The following NUP153 variants were observed in gnomAD, a reference collection of about 807,000 sequenced individuals.
NUP153 encodes nuclear pore complex protein Nup153.
Under a neutral mutation model 134.6 loss-of-function variants are expected in NUP153, and 27 were observed. The ratio of observed to expected loss-of-function variants is 0.20; its 90% CI spans 0.15 to 0.28. The LOEUF (loss-of-function observed/expected upper bound fraction) is 0.28. Ranked by LOEUF, NUP153 falls within the 10% of genes least tolerant of loss-of-function variation. The pLI, the probability that NUP153 is intolerant of heterozygous loss-of-function variation, is 1.00. For missense variants in NUP153, 1,821 were observed against 1,731.3 expected (o/e 1.05, Z -0.92); for synonymous variants, 640 against 623.5 (o/e 1.03, Z -0.40).
intron 11 of NUP153, among the ~76,000 whole-genome samples, chr6:17,656,561 C>T (rs1211631909): frequency 6.6e-6 from 1 of 151,974 alleles, no homozygotes; most frequent in Non-Finnish European, 1.5e-5. Context: ...TTTTTTTGTA[C>T]ACGTGGGGTT....
chr6:17,702,969 G>A (rs1442304499), intron 1 of NUP153, among the ~76,000 whole-genome samples: 2 of 152,088 alleles, frequency 1.3e-5, no homozygotes, highest in Admixed American at 6.5e-5. Context: ...GGGAGGCTGT[G>A]GCGGGTGGAT....
At chr6:17,650,929 A>C (rs1200531893) in intron 11 of NUP153, among the ~76,000 whole-genome samples, 1 of 152,172 alleles carries the variant, frequency 6.6e-6, no homozygotes, top group Non-Finnish European at 1.5e-5. Flanking sequence ...GTGGTATGAA[A>C]GTAACATAAA....
chr6:17,649,064 C>T (rs2113799355), intron 12 of NUP153, 99 bp downstream of exon 12: 1 of 1,104,892 alleles, frequency 9.1e-7, no homozygotes, highest in Non-Finnish European at 1.3e-6. Flanking sequence ...TATTAATTTC[C>T]ATAATGAAAA....
At chr6:17,646,929 T>TTG (rs1186397627) in intron 13 of NUP153, among the ~76,000 whole-genome samples, 1 of 149,964 alleles carries the variant, frequency 6.7e-6, no homozygotes, top group East Asian at 1.9e-4. Flanking sequence ...TTTTTTTTTT[T>TTG]TTTTTTTAGT....
chr6:17,628,598 AACG>A lies in NUP153; in HGVS notation c.3544+54_3544+56del. 1 of 986,776 alleles carries A rather than the reference AACG, an allele frequency of 1.0e-6. No homozygotes were observed. The highest frequency in any genetic ancestry group is 5.4e-5 in the South Asian group (1 of 18,440). The allele number at this position is 986,776 out of a possible 1,614,324, so 61.1% of individuals were successfully genotyped here. On this transcript the variant is annotated intron_variant, in intron 18 of 21. Transcript: ENST00000262077. The surrounding 1 kb of genome is among the most constrained non-coding windows in gnomAD (Gnocchi z 5.4). Reference sequence around the variant, plus strand: ...CTGCATCTGTCAAGGCAACTTGTAAAACGACAACTTGTAAAAAAAAAAATAATA... The same window carrying A: ...CTGCATCTGTCAAGGCAACTTGTAAAACAACTTGTAAAAAAAAAAATAATA...
intron 17 of NUP153, 26 bp downstream of exon 17, chr6:17,632,624 C>T: frequency 3.2e-6 from 5 of 1,565,440 alleles, no homozygotes; most frequent in Non-Finnish European, 4.3e-6. Flanking sequence ...TTACCATCAC[C>T]TTTATTTTTA....
At chr6:17,657,293 G>A (rs1262733266) in intron 11 of NUP153, among the ~76,000 whole-genome samples, 1 of 151,636 alleles carries the variant, frequency 6.6e-6, no homozygotes, top group Non-Finnish European at 1.5e-5. Flanking sequence ...TGTAATCCCA[G>A]CACTTTGGGA....
chr6:17,642,255 A>C (rs1362668472), intron 14 of NUP153, among the ~76,000 whole-genome samples: 1 of 152,334 alleles, frequency 6.6e-6, no homozygotes, highest in East Asian at 1.9e-4. Flanking sequence ...ACCTCTGTCC[A>C]TTCAAGGAAA....
At chr6:17,668,210 A>C (rs1176064110) in intron 8 of NUP153, among the ~76,000 whole-genome samples, 3 of 150,344 alleles carry the variant, frequency 2.0e-5, no homozygotes, top group Non-Finnish European at 4.4e-5. Flanking sequence ...GGAGTAGCTG[A>C]GATTACAGGT....
chr6:17,620,095 CAAAAAAAAAAAAAAA>C lies in NUP153; in HGVS notation c.4175-3415_4175-3401del, dbSNP rs58013807. Among the ~76,000 whole-genome samples the C allele has an allele frequency of 7.9e-5, 5 of 63,000 alleles. No individual in the cohort carries two copies. The Admixed American group carries it at 8.2e-4, about 10-fold the overall frequency. The allele number at this position is 63,000 out of a possible 152,430, so 41.3% of individuals were successfully genotyped here. Reference sequence around the variant, plus strand: ...CCTGGGCAACAGAGCAAGACACCATCAAAAAAAAAAAAAAAAAAAAAAAAAAGGAAGGGAGGGAGG... The same window carrying C: ...CCTGGGCAACAGAGCAAGACACCATCAAAAAAAAAAAGGAAGGGAGGGAGG... On this transcript the variant is annotated intron_variant, in intron 20 of 21. Coordinates refer to ENST00000262077, the MANE Select transcript of NUP153 (RefSeq NM_005124.4).
Position 17,624,679 on chromosome 6 carries a change from G to A in NUP153, c.4056C>T (p.Pro1352=), listed in dbSNP as rs1764831507. 1 of 1,614,104 alleles carries A rather than the reference G, an allele frequency of 6.2e-7. No individual in the cohort carries two copies. The highest frequency in any genetic ancestry group is 1.1e-5 in the South Asian group (1 of 91,082). The change falls in exon 20 of 22, where the codon CCC becomes CCT. Residue 1352 remains proline, a synonymous_variant. Coordinates refer to ENST00000262077, the MANE Select transcript of NUP153 (RefSeq NM_005124.4). ...GSISSSTALF[P]TGSQPAPPTF... is the part of the protein sequence containing the mutation. ...TAGGTGGTGCAGGCTGAGAACCAGT[G>A]GGAAATAATGCTGTGGAAGATGATA...
At chr6:17,641,344 G>A (rs148025619) in intron 14 of NUP153, among the ~76,000 whole-genome samples, 353 of 152,138 alleles carry the variant, frequency 2.3e-3, no homozygotes, top group African/African-American at 8.1e-3. Flanking sequence ...AGACCATCCC[G>A]GCCAACATAG....
In NUP153 at chr6:17,624,832, T is replaced by A. The variant is rs1420034169; in HGVS notation, c.3903A>T (p.Gly1301=). The change falls in exon 20 of 22, where the codon GGA becomes GGT. Residue 1301 remains glycine, a splice_region_variant and synonymous_variant. Coordinates refer to ENST00000262077, the MANE Select transcript of NUP153 (RefSeq NM_005124.4). ...FGATTTSSSA[G]SSFVFGTGPS... is the part of the protein sequence containing the mutation. ...GTCCAGTTCCAAATACAAAGGAGGATCCTGGAGGCCCAAAGAAACACTTAA... is the reference window on the plus strand; with the variant it reads ...GTCCAGTTCCAAATACAAAGGAGGAACCTGGAGGCCCAAAGAAACACTTAA... 1.9e-6 allele frequency: 3 copies of A among 1,589,186 alleles called. No homozygotes were observed. The Admixed American group carries it at 5.2e-5, about 28-fold the overall frequency.
chr6:17,689,422 A>C (rs1769146564), intron 1 of NUP153, among the ~76,000 whole-genome samples: 1 of 152,038 alleles, frequency 6.6e-6, no homozygotes, highest in Non-Finnish European at 1.5e-5. Flanking sequence ...CAAACAAAAA[A>C]AAACAATCCA....
chr6:17,627,180 C>T (rs990711892), intron 18 of NUP153, among the ~76,000 whole-genome samples: 2 of 152,164 alleles, frequency 1.3e-5, no homozygotes, highest in Non-Finnish European at 2.9e-5. Context: ...TACTTTCAAC[C>T]TGGCTAATGG....
intron 2 of NUP153, among the ~76,000 whole-genome samples, chr6:17,683,735 T>A (rs1041981121): frequency 1.3e-5 from 2 of 152,200 alleles, no homozygotes; most frequent in African/African-American, 4.8e-5. Flanking sequence ...ATAAGAGAGT[T>A]AGCCTATCCT....
In NUP153 at chr6:17,624,688, T is replaced by C. The variant is rs747661201; in HGVS notation, c.4047A>G (p.Ala1349=). The C allele has an allele frequency of 1.2e-5, 20 of 1,614,108 alleles. No individual in the cohort carries two copies. In the South Asian group the frequency reaches 2.0e-4, roughly 16 times the overall value. ...PGFGSISSST[A]LFPTGSQPAP... is the part of the protein sequence containing the mutation. ...CAGGCTGAGAACCAGTGGGAAATAATGCTGTGGAAGATGATATAGATCCAA... is the reference window on the plus strand; with the variant it reads ...CAGGCTGAGAACCAGTGGGAAATAACGCTGTGGAAGATGATATAGATCCAA... Residue 1349 remains alanine, a synonymous_variant, in exon 20 of 22, where the codon GCA becomes GCG. Transcript: ENST00000262077.
rs1053956966 is a variant in NUP153, at chr6:17,690,983, C to CA, written c.112-2366dup. 4.6e-4 allele frequency among the ~76,000 whole-genome samples: 69 copies of CA among 150,900 alleles called. 1 individual carries two copies. The South Asian group carries it at 0.012, about 26-fold the overall frequency. On this transcript the variant is annotated intron_variant, in intron 1 of 21. Transcript: ENST00000262077. Reference sequence around the variant, plus strand: ...TGAAACCCCGCCTCTCCTAAAAATACAAAAAAAAATTAGCCGGGTGTGGTG... The same window carrying CA: ...TGAAACCCCGCCTCTCCTAAAAATACAAAAAAAAAATTAGCCGGGTGTGGTG...
Position 17,651,491 on chromosome 6 carries a change from T to C in NUP153, c.1396-2191A>G, listed in dbSNP as rs558064562. ...CTATAAATGGATTTGGTGTTCCAAT[T>C]AAAACACAGAAAATGGACAGAAAGG... On this transcript the variant is annotated intron_variant, in intron 11 of 21. Transcript: ENST00000262077. Among the ~76,000 whole-genome samples the C allele has an allele frequency of 2.9e-4, 44 of 152,168 alleles. 1 individual carries two copies. Among genetic ancestry groups the C allele is most frequent in the Admixed American group, 2.8e-3 (43 of 15,280 alleles).
Sources: allele counts gnomAD v4.1 joint callset (sites outside exome capture counted in the v4.1 genomes callset), GRCh38; gene constraint gnomAD v4.1.1; non-coding constraint Gnocchi (gnomAD v3.1); transcripts MANE v1.5; gene names NCBI Gene and HGNC (gene_info 2026-07-23, HGNC 2026-07-21).